PPP4R1: variants seen among roughly 807,000 people sequenced by gnomAD.
The protein encoded by PPP4R1 is serine/threonine-protein phosphatase 4 regulatory subunit 1.
A neutral mutation model predicts 111.2 loss-of-function variants in PPP4R1; 42 were observed. The ratio of observed to expected loss-of-function variants is 0.38; its 90% CI spans 0.29 to 0.49. PPP4R1 has a LOEUF of 0.49. PPP4R1 is among the 20% of genes least tolerant of loss of function. The probability of loss-of-function intolerance (pLI) is 0.97; values close to 1 mark genes in which losing one functional copy is unlikely to be tolerated. For missense variants in PPP4R1, 1,012 were observed against 1,161.6 expected (o/e 0.87, Z 1.87); for synonymous variants, 409 against 405.5 (o/e 1.01, Z -0.10).
At chr18:9,562,593 G>T (rs568022785) in intron 12 of PPP4R1, among the ~76,000 whole-genome samples, 7 of 152,112 alleles carry the variant, frequency 4.6e-5, no homozygotes, top group Non-Finnish European at 1.0e-4. Context: ...TCAATCCAAA[G>T]CAGTGGTATT....
At position 9,593,880 on chromosome 18, in the gene PPP4R1, C is replaced by CAA; in HGVS notation, c.189-8_189-7dup. 6.2e-7 allele frequency: 1 copy of CAA among 1,601,222 alleles called. No individual in the cohort carries two copies. The highest frequency in any genetic ancestry group is 8.5e-7 in the Non-Finnish European group (1 of 1,170,990). ...AACTCCGGGCCACCATTTGTCTACA[C>CAA]AAAAAAAACAAAATTATGTATGTTC... On this transcript the variant is annotated splice_polypyrimidine_tract_variant and splice_region_variant and intron_variant, in intron 3 of 19. Coordinates refer to ENST00000400556, the MANE Select transcript of PPP4R1 (RefSeq NM_001042388.3).
intron 2 of PPP4R1, among the ~76,000 whole-genome samples, chr18:9,597,344 G>A (rs1356804214): frequency 6.6e-6 from 1 of 152,192 alleles, no homozygotes; most frequent in African/African-American, 2.4e-5. Flanking sequence ...AGGAGACAGA[G>A]TTGAGAATTC....
intron 16 of PPP4R1, among the ~76,000 whole-genome samples, chr18:9,552,646 C>T (rs946535795): frequency 1.3e-5 from 2 of 152,088 alleles, no homozygotes; most frequent in Non-Finnish European, 2.9e-5. Flanking sequence ...TACCATATGG[C>T]CTTGCAAATT....
At chr18:9,566,648 GACACACACAC>G (rs56772611) in intron 11 of PPP4R1, among the ~76,000 whole-genome samples, 2,894 of 144,188 alleles carry the variant, frequency 0.02, 39 homozygotes, top group African/African-American at 0.039. Context: ...GAGGCGCTGT[GACACACACAC>G]ACACACACAC....
intron 10 of PPP4R1, among the ~76,000 whole-genome samples, chr18:9,575,100 A>T (rs2066917160): frequency 6.6e-6 from 1 of 152,228 alleles, no homozygotes; most frequent in African/African-American, 2.4e-5. Context: ...AGTGATAGTA[A>T]ATGTTTCTAG....
At chr18:9,563,278 GA>G in intron 12 of PPP4R1, 99 bp downstream of exon 12, 1 of 1,221,366 alleles carries the variant, frequency 8.2e-7, no homozygotes. Context: ...GCAACAAACA[GA>G]ACATACAAAC....
chr18:9,608,410 T>A (rs1914004345), intron 2 of PPP4R1, among the ~76,000 whole-genome samples: 1 of 152,188 alleles, frequency 6.6e-6, no homozygotes, highest in Admixed American at 6.5e-5. Context: ...GATGCTCAAA[T>A]ACCAACCACA....
rs1181064085 is a variant in PPP4R1, at chr18:9,588,873, G to A, written c.296-20C>T. ...TTGGTTCTATTGAAATAACGGCAAT[G>A]TGAGCAAACATGTTCTCCTGCAGCA... On this transcript the variant is annotated intron_variant, in intron 4 of 19. Coordinates refer to ENST00000400556, the MANE Select transcript of PPP4R1 (RefSeq NM_001042388.3). 6.2e-7 allele frequency: 1 copy of A among 1,610,376 alleles called. No individual in the cohort carries two copies. The highest frequency in any genetic ancestry group is 1.3e-5 in the African/African-American group (1 of 74,816).
At chr18:9,554,106 G>A (rs1278691650) in intron 15 of PPP4R1, among the ~76,000 whole-genome samples, 3 of 151,734 alleles carry the variant, frequency 2.0e-5, no homozygotes, top group African/African-American at 7.3e-5. Context: ...CATTTATGTT[G>A]TGGAACTCAG....
In PPP4R1 at chr18:9,584,802, A is replaced by T. The variant is rs2067089676; in HGVS notation, c.612T>A (p.Val204=). Residue 204 remains valine, a synonymous_variant, in exon 7 of 20, where the codon GTT becomes GTA. Coordinates refer to ENST00000400556, the MANE Select transcript of PPP4R1 (RefSeq NM_001042388.3). The part of the protein sequence containing the change: ...VAIMCKMAPM[V]GKDITERLIL... ...TAAGACGCTCTGTAATATCCTTCCC[A>T]ACCATGGGAGCCATTTTGCACATTA... The T allele has an allele frequency of 6.2e-7, 1 of 1,612,980 alleles. No homozygotes were observed. Among genetic ancestry groups the T allele is most frequent in the Non-Finnish European group, 8.5e-7 (1 of 1,179,360 alleles).
At chr18:9,559,774 G>A (rs529374834) in intron 13 of PPP4R1, among the ~76,000 whole-genome samples, 170 bp from the exon 14 acceptor site, 9 of 151,018 alleles carry the variant, frequency 6.0e-5, no homozygotes, top group East Asian at 4.0e-4. Flanking sequence ...TAAGAGATAC[G>A]AAAAACATGC....
At chr18:9,572,482 A>C (rs2066877338) in intron 10 of PPP4R1, among the ~76,000 whole-genome samples, 1 of 152,234 alleles carries the variant, frequency 6.6e-6, no homozygotes, top group Non-Finnish European at 1.5e-5. Context: ...CAGATTAAAC[A>C]GTGAAGAGAC....
At position 9,570,604 on chromosome 18, in the gene PPP4R1, T is replaced by C. The variant is rs2066846335; in HGVS notation, c.1126A>G (p.Ser376Gly). ...TCCATCGTGTTTTCCAGTATGACAC[T>C]GGAATTACTAACACTGAGATCTGAA... Reference protein sequence around the residue: ...TPSDLSVSNSSVILENTMEDH... With the variant: ...TPSDLSVSNSGVILENTMEDH... The change falls in exon 11 of 20, where the codon AGT becomes GGT. Residue 376 changes from serine (S) to glycine (G), a missense_variant. Ser to Gly is a moderately conservative substitution (Grantham distance 56). Transcript: ENST00000400556. The C allele has an allele frequency of 1.2e-6, 2 of 1,614,078 alleles. No homozygotes were observed. Among genetic ancestry groups the C allele is most frequent in the Non-Finnish European group, 1.7e-6 (2 of 1,179,994 alleles).
At chr18:9,589,118 T>A (rs762864937) in intron 4 of PPP4R1, among the ~76,000 whole-genome samples, 28 of 152,128 alleles carry the variant, frequency 1.8e-4, no homozygotes, top group Admixed American at 6.6e-4. Flanking sequence ...ATAAATAAAT[T>A]TATTCATCAC....
chr18:9,611,570 G>T (rs190123865), intron 2 of PPP4R1, among the ~76,000 whole-genome samples: 1 of 152,170 alleles, frequency 6.6e-6, no homozygotes, highest in African/African-American at 2.4e-5. Flanking sequence ...CTGGGTAAAG[G>T]TATCACCTGT....
intron 13 of PPP4R1, among the ~76,000 whole-genome samples, 188 bp downstream of exon 13, chr18:9,561,792 G>A (rs1163757035): frequency 6.6e-6 from 1 of 152,150 alleles, no homozygotes; most frequent in Admixed American, 6.5e-5. Flanking sequence ...GATCACAGAG[G>A]TAGAAAAGGG....
intron 6 of PPP4R1, 130 bp from the exon 7 acceptor site, chr18:9,584,958 CAG>C: frequency 9.2e-6 from 6 of 651,032 alleles, no homozygotes; most frequent in South Asian, 5.9e-5. Flanking sequence ...ATATACATGA[CAG>C]AAAACATTCA....
At chr18:9,607,783 C>CTTTTT (rs59033925) in intron 2 of PPP4R1, among the ~76,000 whole-genome samples, 6 of 125,364 alleles carry the variant, frequency 4.8e-5, no homozygotes, top group Non-Finnish European at 3.4e-5. Flanking sequence ...TTCTTTCTTT[C>CTTTTT]TTTTTTTTTT....
intron 19 of PPP4R1, among the ~76,000 whole-genome samples, chr18:9,548,645 G>A (rs991745128): frequency 6.6e-6 from 1 of 152,154 alleles, no homozygotes; most frequent in Non-Finnish European, 1.5e-5. Flanking sequence ...GGTCAGGCAC[G>A]GTGGGTCATG....
Sources: gnomAD v4.1 joint callset for allele counts (sites outside exome capture counted in the v4.1 genomes callset) on GRCh38, gnomAD v4.1.1 for gene constraint, MANE v1.5 for transcripts, NCBI Gene and HGNC (gene_info 2026-07-23, HGNC 2026-07-21) for gene names.